FLT1: variants seen among roughly 807,000 people sequenced by gnomAD.
FLT1 encodes vascular endothelial growth factor receptor 1.
Under a neutral mutation model 156.3 loss-of-function variants are expected in FLT1, and 49 were observed. That is an observed-to-expected ratio of 0.31 (90% confidence interval 0.25 to 0.40). The LOEUF is 0.40. FLT1 is among the 10% of genes least tolerant of loss of function. The probability of loss-of-function intolerance (pLI) is 1.00; values close to 1 mark genes in which losing one functional copy is unlikely to be tolerated. For missense variants in FLT1, 1,322 were observed against 1,637.2 expected (o/e 0.81, Z 3.32); for synonymous variants, 594 against 583.8 (o/e 1.02, Z -0.25).
At chr13:28,344,318 C>T (rs1250833338) in intron 16 of FLT1, among the ~76,000 whole-genome samples, 1 of 152,172 alleles carries the variant, frequency 6.6e-6, no homozygotes, top group Non-Finnish European at 1.5e-5. Flanking sequence ...CCCTCCCCTG[C>T]CCAGCCTCCT....
intron 3 of FLT1, among the ~76,000 whole-genome samples, chr13:28,453,727 A>G (rs1879110397): frequency 6.6e-6 from 1 of 152,176 alleles, no homozygotes; most frequent in Non-Finnish European, 1.5e-5. Context: ...TGTGCCCTCA[A>G]TTTCCTTTTT....
intron 13 of FLT1, chr13:28,388,260 C>T: frequency 1.9e-6 from 2 of 1,056,862 alleles, no homozygotes; most frequent in Non-Finnish European, 2.3e-6. Context: ...TGGGGAAATG[C>T]TATTGTTTAC....
intron 14 of FLT1, among the ~76,000 whole-genome samples, chr13:28,360,710 GA>G (rs1385433947): frequency 3.3e-5 from 5 of 152,174 alleles, no homozygotes; most frequent in African/African-American, 1.2e-4. Context: ...TACGGACAGG[GA>G]AGATATTGGT....
chr13:28,475,110 CA>C (rs528044347), intron 1 of FLT1, among the ~76,000 whole-genome samples: 2 of 152,216 alleles, frequency 1.3e-5, no homozygotes, highest in East Asian at 3.9e-4. Flanking sequence ...AAACATGTTG[CA>C]AAAAACTTGC....
intron 10 of FLT1, among the ~76,000 whole-genome samples, chr13:28,407,574 T>C (rs1566009746): frequency 6.6e-6 from 1 of 152,152 alleles, no homozygotes; most frequent in African/African-American, 2.4e-5. Flanking sequence ...TAGCAATAAT[T>C]CCGTGGTGGT....
intron 13 of FLT1, chr13:28,387,846 C>T (rs1339488766): frequency 9.8e-7 from 1 of 1,022,494 alleles, no homozygotes; most frequent in Non-Finnish European, 1.2e-6. Context: ...GGATTAATTA[C>T]ACAGTGAACA....
chr13:28,396,977 A>G lies in FLT1; in HGVS notation c.1643T>C (p.Ile548Thr). ...TGGCTTACCTGTGATATAAAAGCTT[A>G]TGTTTCTTCCCACAGTCCCAACTTT... ...SNKVGTVGRNISFYITDVPNG... is the reference protein window; with the variant it reads ...SNKVGTVGRNTSFYITDVPNG... The change falls in exon 12 of 30, where the codon ATA becomes ACA. Residue 548 changes from isoleucine to threonine, a missense_variant. Physicochemically the swap from Ile to Thr is moderately conservative, Grantham distance 89 (BLOSUM62 -1). This residue lies in a region of FLT1 where 991 missense variants were observed against 1,254.8 expected (regional missense o/e 0.79). Coordinates refer to ENST00000282397, the MANE Select transcript of FLT1 (RefSeq NM_002019.4). The G allele has an allele frequency of 6.2e-7, 1 of 1,602,834 alleles. No individual in the cohort carries two copies. Among genetic ancestry groups the G allele is most frequent in the Non-Finnish European group, 8.5e-7 (1 of 1,169,692 alleles).
rs1250550627 is a variant in FLT1, at chr13:28,389,260, CAG to C, written c.1969+534_1969+535del. The C allele has an allele frequency of 6.1e-6, 7 of 1,150,548 alleles. No homozygotes were observed. In the African/African-American group the frequency reaches 1.1e-4, roughly 18 times the overall value. The allele number at this position is 1,150,548 out of a possible 1,614,324, so 71.3% of individuals were successfully genotyped here. A position where few individuals can be genotyped will look rare whatever the true frequency, so the allele number is the denominator to read the frequency against. On this transcript the variant is annotated intron_variant, in intron 13 of 29. Transcript: ENST00000282397. ...CAAATAAAACCAGGCAGAAGTCCGA[CAG>C]AGTCTCAAATTCAACTGTACTCATT...
intron 14 of FLT1, among the ~76,000 whole-genome samples, chr13:28,365,264 T>C (rs896972931): frequency 6.6e-6 from 1 of 152,224 alleles, no homozygotes; most frequent in African/African-American, 2.4e-5. Context: ...TTTGTTGTTA[T>C]GCAAAATAGT....
At chr13:28,486,325 G>A (rs532367715) in intron 1 of FLT1, among the ~76,000 whole-genome samples, 5 of 152,362 alleles carry the variant, frequency 3.3e-5, no homozygotes, top group African/African-American at 1.2e-4. Context: ...AGTGGGGACA[G>A]AACCCTGGCA....
intron 10 of FLT1, among the ~76,000 whole-genome samples, chr13:28,411,653 C>T (rs1876199507): frequency 6.6e-6 from 1 of 151,320 alleles, no homozygotes; most frequent in Admixed American, 6.6e-5. Context: ...GCTCAGTGAG[C>T]ATGTTCTGGG....
chr13:28,393,281 T>A (rs1277629389), intron 12 of FLT1, among the ~76,000 whole-genome samples: 1 of 152,140 alleles, frequency 6.6e-6, no homozygotes, highest in African/African-American at 2.4e-5. Context: ...GGGGTAGATA[T>A]TTCAACTCAA....
At chr13:28,416,678 A>C (rs1403627252) in intron 10 of FLT1, among the ~76,000 whole-genome samples, 2 of 152,240 alleles carry the variant, frequency 1.3e-5, no homozygotes, top group African/African-American at 2.4e-5. Context: ...ACTTAGCTAT[A>C]AAGAAAATAA....
At chr13:28,394,305 A>G (rs1429103778) in intron 12 of FLT1, among the ~76,000 whole-genome samples, 1 of 152,194 alleles carries the variant, frequency 6.6e-6, no homozygotes, top group Admixed American at 6.5e-5. Flanking sequence ...GGATTTCTAG[A>G]GGAAAAGAAC....
intron 6 of FLT1, among the ~76,000 whole-genome samples, chr13:28,433,358 A>G (rs531217145): frequency 6.6e-6 from 1 of 152,194 alleles, no homozygotes; most frequent in Non-Finnish European, 1.5e-5. Context: ...CTGGGTTGTA[A>G]TATCTTTTCC....
rs1593669407 is a variant in FLT1 at position 28,311,514 on chromosome 13, T to C, written c.3635+76A>G. 1.6e-6 allele frequency: 2 copies of C among 1,266,228 alleles called. 1 individual carries two copies. The highest frequency in any genetic ancestry group is 3.0e-5 in the African/African-American group (2 of 66,704). The allele number at this position is 1,266,228 out of a possible 1,614,324, so 78.4% of individuals were successfully genotyped here. On this transcript the variant is annotated intron_variant, in intron 27 of 29. Transcript: ENST00000282397. ...TCTTTCTTTCTCTCTTTCGTCTTTC[T>C]TTCTCTTTCGTCTTTCTTTCCTTCT...
chr13:28,311,614 T>C lies in FLT1; in HGVS notation c.3611A>G (p.Asn1204Ser), dbSNP rs1413238357. 6.2e-7 allele frequency: 1 copy of C among 1,613,894 alleles called. No homozygotes were observed. The highest frequency in any genetic ancestry group is 2.2e-5 in the East Asian group (1 of 44,850). Residue 1204 changes from asparagine (N) to serine (S), a missense_variant, in exon 27 of 30, where the codon AAT (asparagine) becomes AGT (serine). Asn to Ser is a conservative substitution (Grantham distance 46). Coordinates refer to ENST00000282397, the MANE Select transcript of FLT1 (RefSeq NM_002019.4). ...CCTGACATCATCAGAGCTTCCTGAA[T>C]TAAACTTCGGAGCTGAAATACTTTC... ...FKESISAPKF[N>S]SGSSDDVRYV...
chr13:28,351,915 A>T (rs1373977805), intron 15 of FLT1, among the ~76,000 whole-genome samples: 2 of 152,240 alleles, frequency 1.3e-5, no homozygotes, highest in African/African-American at 4.8e-5. Context: ...TTTTTATTAT[A>T]TGCCAGATGC....
intron 14 of FLT1, among the ~76,000 whole-genome samples, chr13:28,374,209 A>T (rs1034528611): frequency 5.3e-5 from 8 of 152,052 alleles, no homozygotes; most frequent in Non-Finnish European, 1.0e-4. Flanking sequence ...GCCACAATTT[A>T]AAAAAATGAG....
Sources: gnomAD v4.1 joint callset for allele counts (sites outside exome capture counted in the v4.1 genomes callset) on GRCh38, gnomAD v4.1.1 for gene constraint, gnomAD v4.1.1 regional missense constraint, MANE v1.5 for transcripts, NCBI Gene and HGNC (gene_info 2026-07-23, HGNC 2026-07-21) for gene names.